Variants in GK5 observed in about 807,000 individuals in gnomAD.
GK5 encodes glycerol kinase 5.
GK5 carries 39 observed loss-of-function variants against 77.3 expected under a neutral mutation model. That is an observed-to-expected ratio of 0.50 (90% CI 0.39 to 0.66). GK5 has a LOEUF of 0.66. Ranked by LOEUF, GK5 falls within the 30% of genes least tolerant of loss-of-function variation. The probability of loss-of-function intolerance (pLI) is 0.00; values close to 1 mark genes in which losing one functional copy is unlikely to be tolerated. For missense variants in GK5, 487 were observed against 633.8 expected, an observed-to-expected ratio of 0.77 and a Z score of 2.49; for synonymous variants, 211 against 208.0, an observed-to-expected ratio of 1.01 and a Z score of -0.13.
At chr3:142,176,103 C>T (rs1315788282) in intron 12 of GK5, among the ~76,000 whole-genome samples, 2 of 151,982 alleles carry the variant, frequency 1.3e-5, no homozygotes, top group Non-Finnish European at 2.9e-5. Context: ...TCCCTCACAT[C>T]ATCCTGAAGA....
chr3:142,217,676 T>A (rs1014607224), intron 1 of GK5, among the ~76,000 whole-genome samples: 4 of 152,118 alleles, frequency 2.6e-5, no homozygotes, highest in African/African-American at 9.7e-5. Context: ...CAGGAAAACT[T>A]TACCAGAATG....
At chr3:142,183,190 C>T in intron 9 of GK5, 141 bp from the exon 10 acceptor site, 2 of 719,538 alleles carry the variant, frequency 2.8e-6, no homozygotes, top group Non-Finnish European at 4.4e-6. Flanking sequence ...AAAAAAAATC[C>T]CAAAGAGAAT....
At position 142,186,443 on chromosome 3, in the gene GK5, A is replaced by T. The variant is rs2063771907; in HGVS notation, c.681+9T>A. 2 of 1,500,282 alleles carry T rather than the reference A, an allele frequency of 1.3e-6. No individual in the cohort carries two copies. The highest frequency in any genetic ancestry group is 2.3e-5 in the East Asian group (1 of 43,220). The allele number at this position is 1,500,282 out of a possible 1,614,324, so 92.9% of individuals were successfully genotyped here. A position where few individuals can be genotyped will look rare whatever the true frequency, so the allele number is the denominator to read the frequency against. ...GTGTGATTCAAAAAGAAGAAAAAAA[A>T]ATTTTTACCTTATATGGGTCAAAAA... On this transcript the variant is annotated intron_variant, in intron 7 of 15. Transcript: ENST00000392993.
intron 5 of GK5, among the ~76,000 whole-genome samples, chr3:142,191,115 T>C (rs2063843785): frequency 1.3e-5 from 2 of 151,938 alleles, no homozygotes; most frequent in South Asian, 4.2e-4. Flanking sequence ...CAGTCTCAGC[T>C]CTCTGCAACC....
chr3:142,179,610 CAGTT>C, intron 11 of GK5, among the ~76,000 whole-genome samples: 1 of 152,246 alleles, frequency 6.6e-6, no homozygotes, highest in South Asian at 2.1e-4. Flanking sequence ...ACATACTAGA[CAGTT>C]GGTTTGAGGA....
chr3:142,171,540 T>C (rs748073787), intron 13 of GK5, 62 bp from the exon 14 acceptor site: 14 of 1,103,842 alleles, frequency 1.3e-5, no homozygotes, highest in African/African-American at 3.2e-5. Flanking sequence ...CACTACTTTA[T>C]TCTGATCTTG....
At chr3:142,202,405 T>C (rs1195496352) in intron 4 of GK5, among the ~76,000 whole-genome samples, 1 of 152,210 alleles carries the variant, frequency 6.6e-6, no homozygotes, top group Non-Finnish European at 1.5e-5. Context: ...GTGCCAGTTC[T>C]GGCAAAAACA....
At chr3:142,173,251 T>A (rs1428033007) in intron 12 of GK5, 5 of 411,304 alleles carry the variant, frequency 1.2e-5, no homozygotes, top group African/African-American at 2.1e-5. Context: ...TTAATAGCCT[T>A]ACTGCCTAAT....
intron 9 of GK5, 148 bp downstream of exon 9, chr3:142,185,781 C>A: frequency 6.4e-7 from 1 of 1,554,274 alleles, no homozygotes; most frequent in Non-Finnish European, 8.7e-7. Flanking sequence ...TGGTCATATC[C>A]AGGGACCTTT....
chr3:142,170,320 C>A lies in GK5; in HGVS notation c.1441+5G>T. 6.2e-7 allele frequency: 1 copy of A among 1,613,896 alleles called. No individual in the cohort carries two copies. Among genetic ancestry groups the A allele is most frequent in the African/African-American group, 1.3e-5 (1 of 75,046 alleles). On this transcript the variant is annotated splice_donor_5th_base_variant and intron_variant, in intron 15 of 15. Coordinates refer to ENST00000392993, the MANE Select transcript of GK5 (RefSeq NM_001039547.3). ...AACTCTCATTCTTATAAATTTCACA[C>A]ATACCAACAGCAAGGCCAGCTAGAG...
chr3:142,183,137 G>A, intron 9 of GK5, 88 bp from the exon 10 acceptor site: 1 of 1,129,416 alleles, frequency 8.9e-7, no homozygotes, highest in African/African-American at 1.6e-5. Flanking sequence ...GTACTCTCAT[G>A]ATTAAACATC....
chr3:142,185,607 A>G (rs1375610111), intron 9 of GK5: 7 of 1,123,052 alleles, frequency 6.2e-6, no homozygotes, highest in Non-Finnish European at 7.7e-6. Flanking sequence ...GTTTTGTCTC[A>G]GAGTACCAAA....
Position 142,159,847 on chromosome 3 carries a change from C to CTTTTT in GK5, c.*5774_*5775insAAAAA, listed in dbSNP as rs1407448771. The stretch of plus-strand genomic sequence containing the variant: ...TGGGGCTTTCTCTCTCTCTCTCTCT[C>CTTTTT]TCTCTCTTTTTTTTTTTTGAGACAG... On this transcript the variant is annotated 3_prime_UTR_variant, in exon 16 of 16. Transcript: ENST00000392993. The CTTTTT allele has an allele frequency of 2.9e-5, 3 of 103,214 alleles. No individual in the cohort carries two copies. The highest frequency in any genetic ancestry group is 8.9e-5 in the Admixed American group (1 of 11,270). The allele number at this position is 103,214 out of a possible 1,614,324, so 6.4% of individuals were successfully genotyped here.
Position 142,160,837 on chromosome 3 carries a change from G to C in GK5, c.*4785C>G, listed in dbSNP as rs557869065. 2 of 151,938 alleles carry C rather than the reference G, an allele frequency of 1.3e-5. No homozygotes were observed. Among genetic ancestry groups the C allele is most frequent in the African/African-American group, 4.8e-5 (2 of 41,424 alleles). The allele number at this position is 151,938 out of a possible 1,614,324, so 9.4% of individuals were successfully genotyped here. A position where few individuals can be genotyped will look rare whatever the true frequency, so the allele number is the denominator to read the frequency against. ...GTGTTCAAGCGATTCTCCTGCTTCGGTTTCCTGAGTAGCTGGGACTACAGG... is the reference window on the plus strand; with the variant it reads ...GTGTTCAAGCGATTCTCCTGCTTCGCTTTCCTGAGTAGCTGGGACTACAGG... On this transcript the variant is annotated 3_prime_UTR_variant, in exon 16 of 16. Coordinates refer to ENST00000392993, the MANE Select transcript of GK5 (RefSeq NM_001039547.3).
chr3:142,184,546 T>C (rs1301848836), intron 9 of GK5, among the ~76,000 whole-genome samples: 3 of 152,096 alleles, frequency 2.0e-5, no homozygotes, highest in Non-Finnish European at 4.4e-5. Context: ...AACAGCAACA[T>C]TTTAAGGATC....
At chr3:142,206,046 A>G (rs1179942754) in intron 3 of GK5, among the ~76,000 whole-genome samples, 1 of 152,208 alleles carries the variant, frequency 6.6e-6, no homozygotes, top group Non-Finnish European at 1.5e-5. Flanking sequence ...GTAGTATAAT[A>G]TAACTTAGCT....
intron 14 of GK5, 98 bp from the exon 15 acceptor site, chr3:142,170,556 T>C: frequency 9.9e-7 from 1 of 1,008,786 alleles, no homozygotes; most frequent in Non-Finnish European, 1.4e-6. Flanking sequence ...GATTTTATTT[T>C]ATAAATTTTA....
At chr3:142,211,218 C>G (rs1056598996) in intron 3 of GK5, among the ~76,000 whole-genome samples, 5 of 152,168 alleles carry the variant, frequency 3.3e-5, no homozygotes, top group Admixed American at 3.3e-4. Flanking sequence ...CTACTGACAT[C>G]TAGTGGGTAG....
Position 142,171,512 on chromosome 3 carries a change from AT to A in GK5, c.1248-35del, listed in dbSNP as rs578031577. ...AAAACAAGATAACTATTTATAAGAA[AT>A]TCATATCATAATAATTCACTACTTT... On this transcript the variant is annotated intron_variant, in intron 13 of 15. Coordinates refer to ENST00000392993, the MANE Select transcript of GK5 (RefSeq NM_001039547.3). 1.6e-3 allele frequency: 2,094 copies of A among 1,295,112 alleles called. 30 individuals carry two copies. Among genetic ancestry groups the A allele is most frequent in the Non-Finnish European group, 2.6e-4 (248 of 952,374 alleles). 80.2% of individuals were successfully genotyped at this position (1,295,112 alleles called of 1,614,324 possible).
Sources: gnomAD v4.1 joint callset for allele counts (sites outside exome capture counted in the v4.1 genomes callset) on GRCh38, gnomAD v4.1.1 for gene constraint, MANE v1.5 for transcripts, NCBI Gene and HGNC (gene_info 2026-07-23, HGNC 2026-07-21) for gene names.